The following ISX variants were observed in gnomAD, a reference collection of about 807,000 sequenced individuals.
ISX encodes the protein intestine specific homeobox, also known as intestine-specific homeobox.
ISX carries 15 observed loss-of-function variants against 16.9 expected under a neutral mutation model. The observed-to-expected ratio is 0.89, with a 90% confidence interval of 0.59 to 1.36. The LOEUF is 1.36. ISX is among the 40% of genes most tolerant of loss of function. ISX has a pLI of 0.00. For missense variants in ISX, 316 were observed against 306.1 expected (o/e 1.03, Z -0.24); for synonymous variants, 125 against 119.7 (o/e 1.04, Z -0.29).
chr22:35,082,658 G>T lies in ISX; in HGVS notation c.370G>T (p.Ala124Ser), dbSNP rs778687097. ...GGCAGCCAGGATCAACCTCCCAGAAGCTCGGGTGCAGGTACAGCCATCCCT... is the reference window on the plus strand; with the variant it reads ...GGCAGCCAGGATCAACCTCCCAGAATCTCGGGTGCAGGTACAGCCATCCCT... The part of the protein sequence containing the change: ...QLAARINLPE[A>S]RVQIWFQNQR... Residue 124 changes from alanine to serine, a missense_variant, in exon 3 of 5, where the codon GCT becomes TCT. By Grantham distance (99) the Ala-to-Ser change is moderately conservative. Transcript: ENST00000404699. The T allele has an allele frequency of 3.1e-6, 5 of 1,614,108 alleles. No homozygotes were observed. The highest frequency in any genetic ancestry group is 4.2e-6 in the Non-Finnish European group (5 of 1,180,016).
intron 2 of ISX, among the ~76,000 whole-genome samples, chr22:35,077,651 G>A (rs1414789856): frequency 2.0e-5 from 3 of 151,732 alleles, no homozygotes; most frequent in Non-Finnish European, 4.4e-5. Context: ...ACCTCTCAAG[G>A]ACAAACATTT....
At chr22:35,068,390 G>A (rs1239519986) in intron 2 of ISX, among the ~76,000 whole-genome samples, 2 of 152,244 alleles carry the variant, frequency 1.3e-5, no homozygotes, top group Non-Finnish European at 1.5e-5. Flanking sequence ...CTGCAGGCAT[G>A]AGGAAGACCA....
chr22:35,082,589 T>G lies in ISX; in HGVS notation c.301T>G (p.Phe101Val). Reference sequence around the variant, plus strand: ...GCAGCTGCATGAGCTGGAGAAGATCTTCCACTTTACCCACTACCCAGACGT... The same window carrying G: ...GCAGCTGCATGAGCTGGAGAAGATCGTCCACTTTACCCACTACCCAGACGT... The part of the protein sequence containing the change: ...TEQLHELEKI[F>V]HFTHYPDVHI... The change falls in exon 3 of 5, where the codon TTC (phenylalanine) becomes GTC (valine). Residue 101 changes from phenylalanine to valine, a missense_variant. Phe to Val is a conservative substitution (Grantham distance 50). Transcript: ENST00000404699. 6.2e-7 allele frequency: 1 copy of G among 1,614,140 alleles called. No individual in the cohort carries two copies. Among genetic ancestry groups the G allele is most frequent in the Non-Finnish European group, 8.5e-7 (1 of 1,179,998 alleles).
intron 2 of ISX, among the ~76,000 whole-genome samples, chr22:35,071,773 G>A (rs1928859925): frequency 6.6e-6 from 1 of 152,166 alleles, no homozygotes; most frequent in Non-Finnish European, 1.5e-5. Context: ...ACAAGAAAGG[G>A]AGAGGTACCC....
At chr22:35,082,482 A>G (rs1453806419) in intron 2 of ISX, 36 bp from the exon 3 acceptor site, 1 of 1,607,974 alleles carries the variant, frequency 6.2e-7, no homozygotes, top group East Asian at 2.2e-5. Context: ...GCTGACACCA[A>G]GGCCACTGAC....
chr22:35,075,289 A>G (rs1474528559), intron 2 of ISX, among the ~76,000 whole-genome samples: 1 of 152,228 alleles, frequency 6.6e-6, no homozygotes, highest in Non-Finnish European at 1.5e-5. Context: ...GAGTGGCTGG[A>G]GTCTAAAATT....
chr22:35,079,550 A>G (rs1443405303), intron 2 of ISX, among the ~76,000 whole-genome samples: 1 of 152,168 alleles, frequency 6.6e-6, no homozygotes, highest in African/African-American at 2.4e-5. Context: ...CAGCCTAGAG[A>G]TGGATGACAG....
intron 3 of ISX, 44 bp downstream of exon 3, chr22:35,082,713 G>A (rs1402154187): frequency 6.2e-7 from 1 of 1,604,730 alleles, no homozygotes; most frequent in Non-Finnish European, 8.5e-7. Flanking sequence ...ATGCCCTTGG[G>A]ACCATGTGTG....
At chr22:35,085,372 C>T in intron 4 of ISX, 82 bp from the exon 5 acceptor site, 1 of 1,558,408 alleles carries the variant, frequency 6.4e-7, no homozygotes. Context: ...CTCTTAGCTG[C>T]CCAAGCCATG....
At chr22:35,081,266 T>A (rs1369743877) in intron 2 of ISX, among the ~76,000 whole-genome samples, 1 of 152,136 alleles carries the variant, frequency 6.6e-6, no homozygotes, top group African/African-American at 2.4e-5. Flanking sequence ...ACACGTGATG[T>A]GTTATGGATA....
intron 2 of ISX, among the ~76,000 whole-genome samples, chr22:35,071,665 T>C (rs1038617883): frequency 3.3e-5 from 5 of 152,194 alleles, no homozygotes; most frequent in African/African-American, 7.2e-5. Flanking sequence ...GCAAAATTCC[T>C]GGCAAAGACA....
rs5999698 is a variant in ISX, at chr22:35,075,127, G to T, written c.230-7391G>T. On this transcript the variant is annotated intron_variant, in intron 2 of 4. Coordinates refer to ENST00000404699, the MANE Select transcript of ISX (RefSeq NM_001303508.2). ...CACAGAAGAGGCAATAATGAACTCT[G>T]CATAACACCATCAGAGACAGCCCTT... Among the ~76,000 whole-genome samples, 24 of 152,306 alleles carry T rather than the reference G, an allele frequency of 1.6e-4. 1 individual carries two copies. The highest frequency in any genetic ancestry group is 4.8e-4 in the African/African-American group (20 of 41,560).
intron 2 of ISX, among the ~76,000 whole-genome samples, chr22:35,071,102 C>T (rs695860): frequency 0.26 from 40,138 of 152,016 alleles, 6,217 homozygotes; most frequent in East Asian, 0.63. Context: ...CCCTGTTCAT[C>T]CCAGGCTCAC....
intron 2 of ISX, among the ~76,000 whole-genome samples, chr22:35,072,509 A>T (rs920575549): frequency 6.6e-6 from 1 of 152,236 alleles, no homozygotes; most frequent in Non-Finnish European, 1.5e-5. Flanking sequence ...TTGATCCCTA[A>T]AGACAAACCC....
At chr22:35,077,762 T>A (rs1235468661) in intron 2 of ISX, among the ~76,000 whole-genome samples, 1 of 152,148 alleles carries the variant, frequency 6.6e-6, no homozygotes, top group Non-Finnish European at 1.5e-5. Context: ...AGCAGTCAGG[T>A]TGTTTTGCAG....
intron 2 of ISX, among the ~76,000 whole-genome samples, chr22:35,076,455 G>A (rs373667621): frequency 1.4e-4 from 22 of 152,320 alleles, no homozygotes; most frequent in African/African-American, 4.8e-4. Flanking sequence ...CCTGACTAGC[G>A]AAATGAGGCC....
intron 2 of ISX, among the ~76,000 whole-genome samples, chr22:35,077,927 C>A (rs778334811): frequency 1.3e-5 from 2 of 152,160 alleles, no homozygotes; most frequent in African/African-American, 2.4e-5. Context: ...AGATTCTATT[C>A]TTAGTCATAA....
At chr22:35,068,182 G>C (rs1928756730) in intron 2 of ISX, among the ~76,000 whole-genome samples, 1 of 152,250 alleles carries the variant, frequency 6.6e-6, no homozygotes, top group African/African-American at 2.4e-5. Context: ...GGCCTTGTCA[G>C]TCTGACTGTC....
rs112312303 is a variant in ISX, at chr22:35,085,144, G to T, written c.499-310G>T. On this transcript the variant is annotated intron_variant, in intron 4 of 4. Transcript: ENST00000404699. ...TGAGATTTCTCATTTATTCATTCTTGGCAAATGTAGAAGCTGGGCTCTGAG... is the reference window on the plus strand; with the variant it reads ...TGAGATTTCTCATTTATTCATTCTTTGCAAATGTAGAAGCTGGGCTCTGAG... Among the ~76,000 whole-genome samples, 303 of 152,202 alleles carry T rather than the reference G, an allele frequency of 2.0e-3. 4 individuals are homozygous for T. The highest frequency in any genetic ancestry group is 6.9e-3 in the African/African-American group (286 of 41,532).
Sources: gnomAD v4.1 joint callset for allele counts (sites outside exome capture counted in the v4.1 genomes callset) on GRCh38, gnomAD v4.1.1 for gene constraint, MANE v1.5 for transcripts, NCBI Gene and HGNC (gene_info 2026-07-23, HGNC 2026-07-21) for gene names.